Variants in TTLL5 observed in about 807,000 individuals in gnomAD.
TTLL5 encodes the protein tubulin polyglutamylase TTLL5.
A neutral mutation model predicts 168.4 loss-of-function variants in TTLL5; 132 were observed. That is an observed-to-expected ratio of 0.78 (90% confidence interval 0.68 to 0.91). TTLL5 has a LOEUF of 0.91. Ranked by LOEUF, TTLL5 falls within the 40% of genes least tolerant of loss-of-function variation. TTLL5 has a pLI of 0.00. For missense variants in TTLL5, 1,545 were observed against 1,581.5 expected, an observed-to-expected ratio of 0.98 and a Z score of 0.39; for synonymous variants, 546 against 558.6, an observed-to-expected ratio of 0.98 and a Z score of 0.32.
At chr14:75,839,569 T>C (rs1896104868) in intron 28 of TTLL5, among the ~76,000 whole-genome samples, 1 of 152,064 alleles carries the variant, frequency 6.6e-6, no homozygotes, top group Non-Finnish European at 1.5e-5. Flanking sequence ...AGAGAATGAG[T>C]GCCAGCAGGG....
chr14:75,924,654 A>G (rs952659618), intron 31 of TTLL5, among the ~76,000 whole-genome samples: 4 of 151,972 alleles, frequency 2.6e-5, no homozygotes, highest in African/African-American at 9.7e-5. Context: ...TTGGTACAGA[A>G]CAAAATGAAA....
chr14:75,945,624 G>A (rs2034749029), intron 31 of TTLL5, among the ~76,000 whole-genome samples: 1 of 152,006 alleles, frequency 6.6e-6, no homozygotes, highest in East Asian at 1.9e-4. Context: ...TAAATGATTG[G>A]GAATGCAGCA....
chr14:75,818,467 T>G (rs996681321), intron 27 of TTLL5: 1 of 405,770 alleles, frequency 2.5e-6, no homozygotes, highest in African/African-American at 2.2e-5. Context: ...AGCGTGTTCC[T>G]ATATCATTAT....
intron 6 of TTLL5, among the ~76,000 whole-genome samples, chr14:75,692,557 A>G (rs956516984): frequency 6.6e-5 from 10 of 152,194 alleles, no homozygotes; most frequent in Admixed American, 1.3e-4. Context: ...AAAAATAACT[A>G]TGTGAAATGA....
intron 29 of TTLL5, among the ~76,000 whole-genome samples, chr14:75,865,074 C>G (rs1234650453): frequency 6.6e-6 from 1 of 151,920 alleles, no homozygotes; most frequent in African/African-American, 2.4e-5. Context: ...TTCTTTAGAC[C>G]ATTTTTACTG....
chr14:75,904,527 T>C (rs1465436099), intron 31 of TTLL5, among the ~76,000 whole-genome samples: 1 of 152,166 alleles, frequency 6.6e-6, no homozygotes, highest in Admixed American at 6.5e-5. Flanking sequence ...GTCAGGTGGG[T>C]CATACTTGCA....
At chr14:75,951,721 C>T (rs1269283117) in intron 31 of TTLL5, among the ~76,000 whole-genome samples, 1 of 152,296 alleles carries the variant, frequency 6.6e-6, no homozygotes, top group East Asian at 1.9e-4. Context: ...ATGATTCTGC[C>T]TCTGCACAAT....
chr14:75,774,113 C>G (rs1355072567), intron 21 of TTLL5, among the ~76,000 whole-genome samples: 1 of 151,794 alleles, frequency 6.6e-6, no homozygotes, highest in East Asian at 1.9e-4. Context: ...GATTCCTTAT[C>G]TCATAACTCA....
chr14:75,845,851 C>A (rs997526077), intron 28 of TTLL5, among the ~76,000 whole-genome samples: 1 of 152,160 alleles, frequency 6.6e-6, no homozygotes, highest in Non-Finnish European at 1.5e-5. Context: ...CCAGTCTTTA[C>A]ACAATGGCGT....
chr14:75,922,245 C>T (rs2033853835), intron 31 of TTLL5, among the ~76,000 whole-genome samples: 1 of 152,138 alleles, frequency 6.6e-6, no homozygotes, highest in South Asian at 2.1e-4. Context: ...CCTGATTGCC[C>T]TGGCCAGAAC....
rs1484812652 is a variant in TTLL5 at position 75,766,357 on chromosome 14, T to G, written c.2004T>G (p.Asn668Lys). Residue 668 changes from asparagine to lysine, a missense_variant, in exon 20 of 32, where the codon AAT becomes AAG. By Grantham distance (94) the Asn-to-Lys change is moderately conservative (BLOSUM62 0). Coordinates refer to ENST00000298832, the MANE Select transcript of TTLL5 (RefSeq NM_015072.5). ...KFNLMQILQDNGNLSKMQARI... is the reference protein window; with the variant it reads ...KFNLMQILQDKGNLSKMQARI... ...ACCTGATGCAGATTCTTCAAGATAA[T>G]GGCAATCTTAGGTATGTATCTTTTA... 6.2e-7 allele frequency: 1 copy of G among 1,610,272 alleles called. No homozygotes were observed. Among genetic ancestry groups the G allele is most frequent in the African/African-American group, 1.3e-5 (1 of 74,654 alleles).
intron 3 of TTLL5, among the ~76,000 whole-genome samples, chr14:75,681,000 G>A (rs1023283057): frequency 1.3e-5 from 2 of 151,976 alleles, no homozygotes; most frequent in Non-Finnish European, 2.9e-5. Context: ...GGGCCTCTTC[G>A]CAGAAGAGTG....
At chr14:75,713,851 C>A (rs150036151) in intron 9 of TTLL5, among the ~76,000 whole-genome samples, 6 of 151,988 alleles carry the variant, frequency 3.9e-5, no homozygotes. Flanking sequence ...ATTTTGAAAC[C>A]GTTTTGAACT....
At chr14:75,909,283 A>G (rs1275990549) in intron 31 of TTLL5, among the ~76,000 whole-genome samples, 2 of 148,712 alleles carry the variant, frequency 1.3e-5, no homozygotes, top group South Asian at 2.2e-4. Flanking sequence ...CCCCTGCCCT[A>G]AAATCGTCTC....
At chr14:75,677,658 C>G (rs942047293) in intron 3 of TTLL5, among the ~76,000 whole-genome samples, 1 of 151,720 alleles carries the variant, frequency 6.6e-6, no homozygotes, top group African/African-American at 2.4e-5. Flanking sequence ...TGCTCTGCCA[C>G]CTGGGCTGGA....
intron 17 of TTLL5, among the ~76,000 whole-genome samples, chr14:75,747,516 C>T (rs1889686504): frequency 6.6e-6 from 1 of 151,394 alleles, no homozygotes. Context: ...GATTTTATTG[C>T]CTTCTTTAAA....
In TTLL5 at chr14:75,714,234, C is replaced by T. The variant is rs371059768; in HGVS notation, c.741-3627C>T. Among the ~76,000 whole-genome samples, 13 of 152,278 alleles carry T rather than the reference C, an allele frequency of 8.5e-5. No homozygotes were observed. In the South Asian group the frequency reaches 1.5e-3, roughly 17 times the overall value. ...CTTGTCATTGCATTATATGTGATGGCACATGCTAGTCATTTAGTGGTGTTT... is the reference window on the plus strand; with the variant it reads ...CTTGTCATTGCATTATATGTGATGGTACATGCTAGTCATTTAGTGGTGTTT... On this transcript the variant is annotated intron_variant, in intron 9 of 31. Transcript: ENST00000298832.
chr14:75,895,830 A>G (rs1041640269), intron 30 of TTLL5, among the ~76,000 whole-genome samples: 1 of 152,236 alleles, frequency 6.6e-6, no homozygotes, highest in Non-Finnish European at 1.5e-5. Flanking sequence ...TACAACAGTC[A>G]GGTGCATGGC....
intron 30 of TTLL5, 75 bp from the exon 31 acceptor site, chr14:75,902,067 G>A (rs1236026817): frequency 7.8e-7 from 1 of 1,279,850 alleles, no homozygotes; most frequent in Non-Finnish European, 1.1e-6. Flanking sequence ...AGAGCAAGAA[G>A]CGAAGCCATC....
Sources: allele counts gnomAD v4.1 joint callset (sites outside exome capture counted in the v4.1 genomes callset), GRCh38; gene constraint gnomAD v4.1.1; transcripts MANE v1.5; gene names NCBI Gene and HGNC (gene_info 2026-07-23, HGNC 2026-07-21).